LMBR1: variants seen among roughly 807,000 people sequenced by gnomAD.
The protein encoded by LMBR1 is limb development membrane protein 1.
In LMBR1, 52 loss-of-function variants were observed where a neutral mutation model predicts 73.9. The ratio of observed to expected loss-of-function variants is 0.70; its 90% CI spans 0.56 to 0.89. The LOEUF (loss-of-function observed/expected upper bound fraction) is 0.89. LMBR1 is among the 40% of genes least tolerant of loss of function. LMBR1 has a pLI of 0.00. For synonymous variants in LMBR1, 215 were observed against 209.4 expected, an observed-to-expected ratio of 1.03 and a Z score of -0.23; for missense variants, 539 against 579.8, an observed-to-expected ratio of 0.93 and a Z score of 0.72.
intron 1 of LMBR1, among the ~76,000 whole-genome samples, chr7:156,845,740 C>G (rs544617330): frequency 1.3e-5 from 2 of 151,924 alleles, no homozygotes; most frequent in Non-Finnish European, 2.9e-5. Flanking sequence ...GCCTTGAACT[C>G]CTGGGCTCAA....
intron 15 of LMBR1, among the ~76,000 whole-genome samples, chr7:156,699,802 T>G (rs898670962): frequency 1.3e-5 from 2 of 151,962 alleles, no homozygotes; most frequent in African/African-American, 4.8e-5. Flanking sequence ...CATGAAAAAA[T>G]GCTCATCATC....
intron 9 of LMBR1, among the ~76,000 whole-genome samples, chr7:156,753,205 G>C (rs906798151): frequency 6.6e-6 from 1 of 152,028 alleles, no homozygotes; most frequent in African/African-American, 2.4e-5. Context: ...TGATGGGAAG[G>C]ACATGCACAC....
chr7:156,845,037 A>G (rs1240718874), intron 1 of LMBR1, among the ~76,000 whole-genome samples: 5 of 152,218 alleles, frequency 3.3e-5, no homozygotes, highest in Non-Finnish European at 7.3e-5. Context: ...CAAGTGAAGA[A>G]TAAGTATCAT....
intron 15 of LMBR1, among the ~76,000 whole-genome samples, chr7:156,723,818 A>C: frequency 6.6e-6 from 1 of 152,116 alleles, no homozygotes. Flanking sequence ...TCACTAGAGG[A>C]CTCGAAAGCC....
At chr7:156,804,239 T>C (rs1438994541) in intron 4 of LMBR1, among the ~76,000 whole-genome samples, 1 of 152,260 alleles carries the variant, frequency 6.6e-6, no homozygotes, top group Non-Finnish European at 1.5e-5. Context: ...GCTTCTGTTA[T>C]CTAGCACAAC....
intron 8 of LMBR1, 22 bp downstream of exon 8, chr7:156,762,112 T>G: frequency 6.9e-7 from 1 of 1,439,412 alleles, no homozygotes; most frequent in Non-Finnish European, 9.7e-7. Context: ...ATAAACAAAA[T>G]GATTTATAAT....
intron 5 of LMBR1, among the ~76,000 whole-genome samples, chr7:156,785,895 A>G (rs1166597255): frequency 1.3e-5 from 2 of 152,190 alleles, no homozygotes; most frequent in East Asian, 1.9e-4. Context: ...GAAATATACA[A>G]TAAATCACCA....
At chr7:156,862,001 A>G (rs919024376) in intron 1 of LMBR1, among the ~76,000 whole-genome samples, 3 of 152,208 alleles carry the variant, frequency 2.0e-5, no homozygotes, top group Non-Finnish European at 2.9e-5. Flanking sequence ...TCTGTTCCCC[A>G]GTTCCAAAGT....
At chr7:156,743,901 G>A (rs1819362779) in intron 9 of LMBR1, among the ~76,000 whole-genome samples, 1 of 152,082 alleles carries the variant, frequency 6.6e-6, no homozygotes, top group Non-Finnish European at 1.5e-5. Context: ...CCCAACTCCT[G>A]GATCTTGCTG....
intron 15 of LMBR1, among the ~76,000 whole-genome samples, chr7:156,711,467 T>C (rs1032672684): frequency 6.6e-5 from 10 of 151,966 alleles, no homozygotes; most frequent in Admixed American, 3.3e-4. Flanking sequence ...CCTACCAAAA[T>C]ACCAATGTTA....
At chr7:156,737,122 A>G (rs1585466052) in intron 9 of LMBR1, among the ~76,000 whole-genome samples, 1 of 152,266 alleles carries the variant, frequency 6.6e-6, no homozygotes, top group East Asian at 1.9e-4. Context: ...TGTATCCTCC[A>G]GTGGCTTGCT....
At chr7:156,864,918 C>T (rs1444433858) in intron 1 of LMBR1, among the ~76,000 whole-genome samples, 1 of 151,362 alleles carries the variant, frequency 6.6e-6, no homozygotes, top group Admixed American at 6.6e-5. Context: ...ACTGCTAGAA[C>T]CTAGGAAGCA....
chr7:156,734,304 C>T (rs768035657), intron 9 of LMBR1, 47 bp from the exon 10 acceptor site: 1 of 1,201,906 alleles, frequency 8.3e-7, no homozygotes, highest in South Asian at 1.5e-5. Flanking sequence ...ACCCCTAACA[C>T]TATAGAACAG....
At chr7:156,795,709 C>A (rs1829959675) in intron 5 of LMBR1, among the ~76,000 whole-genome samples, 1 of 152,114 alleles carries the variant, frequency 6.6e-6, no homozygotes, top group Non-Finnish European at 1.5e-5. Context: ...CCCATCGCCA[C>A]ACCCAGTTAA....
At chr7:156,776,116 A>C (rs919668556) in intron 5 of LMBR1, among the ~76,000 whole-genome samples, 1 of 148,808 alleles carries the variant, frequency 6.7e-6, no homozygotes, top group Non-Finnish European at 1.5e-5. Context: ...TAAATTATAT[A>C]TATTTTATAT....
rs139567528 is a variant in LMBR1 at position 156,685,549 on chromosome 7, C to A, written c.1388-1386G>T. On this transcript the variant is annotated intron_variant, in intron 16 of 16. Transcript: ENST00000353442. The surrounding 1 kb of genome is among the most constrained non-coding windows in gnomAD (Gnocchi z 4.1). ...CCTGAGTGCTGCAGCCACTGCGGCACCATGGCACATATCTGTGCATCTAGA... is the reference window on the plus strand; with the variant it reads ...CCTGAGTGCTGCAGCCACTGCGGCAACATGGCACATATCTGTGCATCTAGA... Among the ~76,000 whole-genome samples, 5 of 152,222 alleles carry A rather than the reference C, an allele frequency of 3.3e-5. No homozygotes were observed. The highest frequency in any genetic ancestry group is 5.9e-5 in the Non-Finnish European group (4 of 68,036).
chr7:156,825,843 C>T (rs1439155574), intron 4 of LMBR1, among the ~76,000 whole-genome samples: 1 of 152,206 alleles, frequency 6.6e-6, no homozygotes, highest in Admixed American at 6.5e-5. Flanking sequence ...GGTGAGAGGA[C>T]AGTGGCTTTC....
At chr7:156,768,608 T>G (rs929412247) in intron 5 of LMBR1, among the ~76,000 whole-genome samples, 2 of 152,134 alleles carry the variant, frequency 1.3e-5, no homozygotes, top group Non-Finnish European at 2.9e-5. Context: ...ACTGGGTGGT[T>G]TGGCTTCAGC....
At chr7:156,671,652 T>C (rs1470595371) in intron 4 of LMBR1, among the ~76,000 whole-genome samples, 1 of 152,326 alleles carries the variant, frequency 6.6e-6, no homozygotes, top group East Asian at 1.9e-4. Context: ...AGGACGCCGA[T>C]GTTTGCGGTA....
Sources: gnomAD v4.1 joint callset for allele counts (sites outside exome capture counted in the v4.1 genomes callset) on GRCh38, gnomAD v4.1.1 for gene constraint, Gnocchi (gnomAD v3.1) non-coding constraint, MANE v1.5 for transcripts, NCBI Gene and HGNC (gene_info 2026-07-23, HGNC 2026-07-21) for gene names.